The following DOCK4 variants were observed in gnomAD, a reference collection of about 807,000 sequenced individuals.
The protein encoded by DOCK4 is dedicator of cytokinesis protein 4.
A neutral mutation model predicts 268.1 loss-of-function variants in DOCK4; 97 were observed. The ratio of observed to expected loss-of-function variants is 0.36; its 90% CI spans 0.31 to 0.43. The LOEUF (loss-of-function observed/expected upper bound fraction) is 0.43, where lower values mean the gene tolerates loss of function less well. Among genes scored for constraint, DOCK4 ranks in the 20% least tolerant of loss-of-function variants. The pLI, the probability that DOCK4 is intolerant of heterozygous loss-of-function variation, is 1.00. For missense variants in DOCK4, 2,145 were observed against 2,455.7 expected, an observed-to-expected ratio of 0.87 and a Z score of 2.67; for synonymous variants, 954 against 887.2, an observed-to-expected ratio of 1.08 and a Z score of -1.34.
chr7:111,804,963 A>G (rs1214460980), intron 30 of DOCK4, among the ~76,000 whole-genome samples: 2 of 152,226 alleles, frequency 1.3e-5, no homozygotes, highest in African/African-American at 2.4e-5. Context: ...AATTTTAATT[A>G]TATGAGCAGG....
intron 38 of DOCK4, among the ~76,000 whole-genome samples, chr7:111,765,434 T>C (rs993128006): frequency 3.9e-5 from 6 of 152,228 alleles, no homozygotes. Flanking sequence ...TTGCAGGCCA[T>C]ATCGTCTCTT....
chr7:112,099,573 A>G (rs375024283), intron 1 of DOCK4, among the ~76,000 whole-genome samples: 4 of 152,370 alleles, frequency 2.6e-5, no homozygotes, highest in South Asian at 2.1e-4. Flanking sequence ...CTCAGCAACT[A>G]TCATAGCACA....
intron 1 of DOCK4, among the ~76,000 whole-genome samples, chr7:112,199,774 A>G (rs1820757438): frequency 6.6e-6 from 1 of 152,238 alleles, no homozygotes; most frequent in Non-Finnish European, 1.5e-5. Flanking sequence ...CTCTTCTGTT[A>G]TAGTGACCAG....
chr7:111,894,067 C>CA (rs1339756731), intron 16 of DOCK4, among the ~76,000 whole-genome samples: 1 of 151,946 alleles, frequency 6.6e-6, no homozygotes, highest in Non-Finnish European at 1.5e-5. Flanking sequence ...ACTAAAAATA[C>CA]AAAAATTAGC....
At chr7:112,039,282 G>T (rs1338427201) in intron 1 of DOCK4, among the ~76,000 whole-genome samples, 1 of 150,566 alleles carries the variant, frequency 6.6e-6, no homozygotes, top group African/African-American at 2.4e-5. Context: ...ACAGTGGAAG[G>T]AACCCTGCCA....
At chr7:111,978,516 GCTA>G (rs1370058457) in intron 7 of DOCK4, among the ~76,000 whole-genome samples, 2 of 152,156 alleles carry the variant, frequency 1.3e-5, no homozygotes, top group Admixed American at 1.3e-4. Flanking sequence ...ACAGGTGTGG[GCTA>G]CTGAGCCCAG....
At chr7:111,786,439 T>A (rs569747010) in intron 32 of DOCK4, among the ~76,000 whole-genome samples, 16 of 152,316 alleles carry the variant, frequency 1.1e-4, no homozygotes, top group African/African-American at 3.8e-4. Flanking sequence ...GTGTCTATAA[T>A]CTAGAATTTC....
At chr7:112,017,520 A>G (rs1801914251) in intron 1 of DOCK4, among the ~76,000 whole-genome samples, 1 of 152,208 alleles carries the variant, frequency 6.6e-6, no homozygotes, top group African/African-American at 2.4e-5. Context: ...CACAATGAAC[A>G]TGAGCTGACT....
chr7:111,960,377 A>G (rs1435571451), intron 8 of DOCK4, among the ~76,000 whole-genome samples: 3 of 150,470 alleles, frequency 2.0e-5, no homozygotes, highest in Admixed American at 6.6e-5. Context: ...AAAAAAAAAA[A>G]GAAAAGAAAA....
intron 51 of DOCK4, among the ~76,000 whole-genome samples, chr7:111,733,248 A>G (rs1795231386): frequency 6.6e-6 from 1 of 152,250 alleles, no homozygotes; most frequent in South Asian, 2.1e-4. Context: ...GTGACCACAG[A>G]TGATGACATA....
intron 8 of DOCK4, among the ~76,000 whole-genome samples, chr7:111,946,586 A>AT (rs1176652582): frequency 3.9e-5 from 6 of 152,094 alleles, no homozygotes; most frequent in Non-Finnish European, 8.8e-5. Flanking sequence ...TTATTTATTT[A>AT]TTATTATTAT....
At chr7:112,063,707 T>C (rs557142960) in intron 1 of DOCK4, among the ~76,000 whole-genome samples, 1 of 152,180 alleles carries the variant, frequency 6.6e-6, no homozygotes, top group Non-Finnish European at 1.5e-5. Context: ...ACTCAAGATT[T>C]TTTCATGCTC....
chr7:111,753,023 T>G (rs1796790936), intron 42 of DOCK4, among the ~76,000 whole-genome samples: 2 of 145,710 alleles, frequency 1.4e-5, no homozygotes, highest in Admixed American at 7.0e-5. Flanking sequence ...GGGTCTGTGA[T>G]TTAGAAAATA....
intron 41 of DOCK4, among the ~76,000 whole-genome samples, chr7:111,756,505 T>G (rs1797030220): frequency 1.3e-5 from 2 of 151,208 alleles, no homozygotes; most frequent in Non-Finnish European, 2.9e-5. Flanking sequence ...TTTCTTGTGC[T>G]TGTTTGAACT....
At chr7:111,851,272 G>A (rs1460054453) in intron 23 of DOCK4, among the ~76,000 whole-genome samples, 4 of 151,870 alleles carry the variant, frequency 2.6e-5, no homozygotes, top group Admixed American at 6.6e-5. Context: ...ATGAAACCCC[G>A]TCTCTACTAA....
intron 11 of DOCK4, among the ~76,000 whole-genome samples, chr7:111,937,870 C>T (rs533550577): frequency 1.2e-4 from 18 of 152,304 alleles, no homozygotes; most frequent in African/African-American, 4.1e-4. Flanking sequence ...ATGAGTAAAA[C>T]TGAGTAGGAG....
At chr7:111,944,323 T>C (rs1445053971) in intron 10 of DOCK4, among the ~76,000 whole-genome samples, 1 of 152,142 alleles carries the variant, frequency 6.6e-6, no homozygotes, top group African/African-American at 2.4e-5. Flanking sequence ...GCTGATGACA[T>C]TATATAAGTT....
intron 16 of DOCK4, among the ~76,000 whole-genome samples, chr7:111,882,197 A>T (rs980480652): frequency 2.0e-5 from 3 of 152,188 alleles, no homozygotes; most frequent in African/African-American, 7.2e-5. Flanking sequence ...CCATAAATAT[A>T]ATCACCTACT....
rs77066120 is a variant in DOCK4 at position 111,989,333 on chromosome 7, C to T, written c.316-170G>A. ...TTCGCTCACTATCCTCAAACACACT[C>T]GCTGCCTTCTCTATATGCTTCATCT... On this transcript the variant is annotated intron_variant, in intron 5 of 52. Coordinates refer to ENST00000428084, the MANE Select transcript of DOCK4 (RefSeq NM_001363540.2). Among the ~76,000 whole-genome samples, 517 of 152,326 alleles carry T rather than the reference C, an allele frequency of 3.4e-3. 3 individuals carry two copies. Among genetic ancestry groups the T allele is most frequent in the Non-Finnish European group, 4.8e-3 (326 of 68,026 alleles).
Sources: allele counts gnomAD v4.1 joint callset (sites outside exome capture counted in the v4.1 genomes callset), GRCh38; gene constraint gnomAD v4.1.1; transcripts MANE v1.5; gene names NCBI Gene and HGNC (gene_info 2026-07-23, HGNC 2026-07-21).